Variants in NBEA observed in about 807,000 individuals in gnomAD.
NBEA encodes the protein lysosomal-trafficking regulator 2.
Under a neutral mutation model 343.4 loss-of-function variants are expected in NBEA, and 44 were observed. The ratio of observed to expected loss-of-function variants is 0.13; its 90% CI spans 0.10 to 0.16. The LOEUF is 0.16. NBEA is among the 10% of genes least tolerant of loss of function. The pLI, the probability that NBEA is intolerant of heterozygous loss-of-function variation, is 1.00. For missense variants in NBEA, 2,555 were observed against 3,631.3 expected (o/e 0.70, Z 7.62); for synonymous variants, 1,175 against 1,238.7 (o/e 0.95, Z 1.08).
chr13:35,579,764 A>T (rs1417489940), intron 45 of NBEA, among the ~76,000 whole-genome samples: 3 of 152,260 alleles, frequency 2.0e-5, no homozygotes, highest in Admixed American at 2.0e-4. Flanking sequence ...ATCTGGTAGG[A>T]TTTTTGTTTC....
intron 38 of NBEA, among the ~76,000 whole-genome samples, chr13:35,406,661 A>G (rs2043285637): frequency 6.6e-6 from 1 of 152,130 alleles, no homozygotes; most frequent in South Asian, 2.1e-4. Context: ...ACCTTTAAGA[A>G]ATTGAACCAT....
At chr13:35,010,741 A>AAAATATAT (rs1555275017) in intron 1 of NBEA, among the ~76,000 whole-genome samples, 2 of 31,956 alleles carry the variant, frequency 6.3e-5, no homozygotes, top group African/African-American at 2.0e-4. Flanking sequence ...AAAAAAAAAA[A>AAAATATAT]ATATATATAT....
intron 30 of NBEA, among the ~76,000 whole-genome samples, chr13:35,195,374 G>A (rs996027089): frequency 7.9e-5 from 12 of 151,836 alleles, no homozygotes; most frequent in African/African-American, 2.7e-4. Context: ...AAAATAGTAG[G>A]TGTATTGGAT....
intron 34 of NBEA, among the ~76,000 whole-genome samples, chr13:35,244,145 T>C (rs1180295459): frequency 6.6e-6 from 1 of 151,510 alleles, no homozygotes; most frequent in Non-Finnish European, 1.5e-5. Context: ...ATGTAGAAAC[T>C]CCATAAACAC....
chr13:35,593,503 A>AT, intron 47 of NBEA, 56 bp downstream of exon 47: 19 of 1,506,024 alleles, frequency 1.3e-5, no homozygotes, highest in East Asian at 6.8e-5. Flanking sequence ...GGAAATTTTG[A>AT]TTTTTTTAAG....
At chr13:35,006,197 CTTTT>C (rs910579466) in intron 1 of NBEA, among the ~76,000 whole-genome samples, 2 of 150,802 alleles carry the variant, frequency 1.3e-5, no homozygotes, top group Non-Finnish European at 3.0e-5. Flanking sequence ...GTACATTTTT[CTTTT>C]TTTTTCCCAC....
chr13:35,155,717 T>A (rs750648006), intron 18 of NBEA, 57 bp from the exon 19 acceptor site: 11 of 1,333,642 alleles, frequency 8.2e-6, no homozygotes, highest in Non-Finnish European at 1.2e-5. Context: ...ATATCTATAT[T>A]TTGCAATTAT....
chr13:35,234,853 T>C (rs1426622940), intron 34 of NBEA, among the ~76,000 whole-genome samples: 1 of 152,204 alleles, frequency 6.6e-6, no homozygotes, highest in Non-Finnish European at 1.5e-5. Context: ...AAAATTTGTT[T>C]TCCCTCAATT....
intron 33 of NBEA, among the ~76,000 whole-genome samples, chr13:35,229,862 G>A (rs1361924216): frequency 6.6e-6 from 1 of 151,970 alleles, no homozygotes; most frequent in Non-Finnish European, 1.5e-5. Context: ...ATACATTGTG[G>A]GGAATCTGTA....
rs1360065637 is a variant in NBEA, at chr13:35,655,717, G to A, written c.8330G>A (p.Arg2777Gln). The part of the protein sequence containing the change: ...ATLLLWYWSG[R>Q]HHIIGDNPNS... ...CTGCTGCTCTGGTACTGGAGTGGGC[G>A]GCACCATATCATAGGAGACAACCCT... is the stretch of plus-strand genomic sequence containing the variant. Residue 2777 changes from arginine (R) to glutamine (Q), a missense_variant, in exon 55 of 59, where the codon CGG becomes CAG. Physicochemically the swap from Arg to Gln is conservative, Grantham distance 43 (BLOSUM62 1). Coordinates refer to ENST00000379939, the MANE Select transcript of NBEA (RefSeq NM_001385012.1). The A allele has an allele frequency of 6.8e-6, 11 of 1,613,588 alleles. No homozygotes were observed. Among genetic ancestry groups the A allele is most frequent in the African/African-American group, 1.3e-5 (1 of 74,828 alleles).
intron 31 of NBEA, 106 bp from the exon 32 acceptor site, chr13:35,208,589 TAAAAG>T (rs1566460432): frequency 5.0e-6 from 5 of 1,002,946 alleles, no homozygotes; most frequent in Admixed American, 3.6e-5. Context: ...TTTTTTTAAT[TAAAAG>T]AAGAGAGGGA....
At chr13:35,336,752 C>A (rs1048817031) in intron 36 of NBEA, among the ~76,000 whole-genome samples, 4 of 152,034 alleles carry the variant, frequency 2.6e-5, no homozygotes, top group African/African-American at 9.7e-5. Context: ...TTATCCTAAG[C>A]AAACTAATAC....
At chr13:35,351,776 G>T (rs550336158) in intron 37 of NBEA, among the ~76,000 whole-genome samples, 5 of 151,946 alleles carry the variant, frequency 3.3e-5, no homozygotes, top group Non-Finnish European at 4.4e-5. Flanking sequence ...ACAGATTTTT[G>T]ATTCATATGT....
intron 30 of NBEA, chr13:35,186,499 T>G (rs2152733983): frequency 6.6e-6 from 1 of 152,298 alleles, no homozygotes; most frequent in South Asian, 2.1e-4. Context: ...ACATCTTATT[T>G]TAACTATACA....
At chr13:35,138,124 A>G (rs1288104629) in intron 17 of NBEA, among the ~76,000 whole-genome samples, 4 of 152,272 alleles carry the variant, frequency 2.6e-5, no homozygotes, top group Admixed American at 6.5e-5. Flanking sequence ...GAAAGTTTCA[A>G]TTGATCAGCA....
chr13:35,087,798 G>A lies in NBEA; in HGVS notation c.1572-10499G>A, dbSNP rs150227333. Among the ~76,000 whole-genome samples the A allele has an allele frequency of 5.3e-5, 8 of 151,950 alleles. No homozygotes were observed. In the East Asian group the frequency reaches 7.7e-4, roughly 15 times the overall value. On this transcript the variant is annotated intron_variant, in intron 10 of 58. Transcript: ENST00000379939. Reference sequence around the variant, plus strand: ...GTCAGAAGGCAAAATAAAACGTTTTGTTACTTGATGTAGGAACAAATGGTA... The same window carrying A: ...GTCAGAAGGCAAAATAAAACGTTTTATTACTTGATGTAGGAACAAATGGTA...
chr13:35,151,114 T>TG (rs1555320322), intron 18 of NBEA, among the ~76,000 whole-genome samples: 7 of 134,828 alleles, frequency 5.2e-5, no homozygotes, highest in Non-Finnish European at 1.1e-4. Context: ...ACACTGGCTC[T>TG]AAAAAAAAAA....
chr13:35,323,272 T>A (rs2038295336), intron 36 of NBEA, among the ~76,000 whole-genome samples: 1 of 152,102 alleles, frequency 6.6e-6, no homozygotes, highest in Non-Finnish European at 1.5e-5. Context: ...CACGTATGTT[T>A]ACTGCGGCAT....
At chr13:35,239,346 A>G (rs1455777697) in intron 34 of NBEA, among the ~76,000 whole-genome samples, 3 of 152,048 alleles carry the variant, frequency 2.0e-5, no homozygotes, top group Non-Finnish European at 4.4e-5. Context: ...ATATAGATCT[A>G]TTTGGAGAAT....
Sources: gnomAD v4.1 joint callset for allele counts (sites outside exome capture counted in the v4.1 genomes callset) on GRCh38, gnomAD v4.1.1 for gene constraint, MANE v1.5 for transcripts, NCBI Gene and HGNC (gene_info 2026-07-23, HGNC 2026-07-21) for gene names.